The following FAM114A2 variants were observed in gnomAD, a reference collection of about 807,000 sequenced individuals.
The protein encoded by FAM114A2 is family with sequence similarity 114 member A2, also known as protein FAM114A2.
In FAM114A2, 53 loss-of-function variants were observed where a neutral mutation model predicts 58.4. The observed-to-expected ratio is 0.91, with a 90% CI of 0.73 to 1.14. The LOEUF (loss-of-function observed/expected upper bound fraction) is 1.14. FAM114A2 is among the 50% of genes most tolerant of loss of function. The probability of loss-of-function intolerance (pLI) is 0.00; values close to 1 mark genes in which losing one functional copy is unlikely to be tolerated. For synonymous variants in FAM114A2, 228 were observed against 211.4 expected (o/e 1.08, Z -0.68); for missense variants, 601 against 581.1 (o/e 1.03, Z -0.35).
At position 154,029,480 on chromosome 5, in the gene FAM114A2, T is replaced by G; in HGVS notation, c.495+9A>C. On this transcript the variant is annotated intron_variant, in intron 5 of 13. Coordinates refer to ENST00000351797, the MANE Select transcript of FAM114A2 (RefSeq NM_018691.4). Reference sequence around the variant, plus strand: ...AAAGGAACAGACCACCTTGCACTTTTTTACTTACTGTGCTCTGAACAGCAG... The same window carrying G: ...AAAGGAACAGACCACCTTGCACTTTGTTACTTACTGTGCTCTGAACAGCAG... 1 of 1,529,326 alleles carries G rather than the reference T, an allele frequency of 6.5e-7. No individual in the cohort carries two copies. Among genetic ancestry groups the G allele is most frequent in the Non-Finnish European group, 9.1e-7 (1 of 1,104,368 alleles). The allele number at this position is 1,529,326 out of a possible 1,614,324, so 94.7% of individuals were successfully genotyped here.
chr5:154,034,938 C>G lies in FAM114A2; in HGVS notation c.16G>C (p.Asp6His). Residue 6 changes from aspartate (D) to histidine (H), a missense_variant, in exon 2 of 14, where the codon GAT (aspartate) becomes CAT (histidine). Transcript: ENST00000351797. ...TCAGTTAGCAGTGGAGTCTCAATAT[C>G]ATCTTTATCTGACATGATTAGAACA... MSDKD[D>H]IETPLLTEAA... 1 of 1,613,502 alleles carries G rather than the reference C, an allele frequency of 6.2e-7. No homozygotes were observed. Among genetic ancestry groups the G allele is most frequent in the Non-Finnish European group, 8.5e-7 (1 of 1,179,544 alleles).
intron 8 of FAM114A2, among the ~76,000 whole-genome samples, chr5:154,011,523 TGA>T (rs1433947447): frequency 3.9e-5 from 6 of 152,124 alleles, no homozygotes; most frequent in Non-Finnish European, 8.8e-5. Context: ...TCAATGGGCT[TGA>T]GAGAAAAGTG....
At chr5:154,028,004 C>A in intron 6 of FAM114A2, 145 bp downstream of exon 6, 1 of 627,342 alleles carries the variant, frequency 1.6e-6, no homozygotes, top group Non-Finnish European at 2.7e-6. Context: ...AGCTCTCACC[C>A]ATCCCTGATC....
At chr5:154,000,827 A>T (rs1769921459) in intron 11 of FAM114A2, among the ~76,000 whole-genome samples, 1 of 152,226 alleles carries the variant, frequency 6.6e-6, no homozygotes. Context: ...AGACAACATC[A>T]TACTCAAAAT....
chr5:154,015,631 A>G (rs865987552), intron 8 of FAM114A2, among the ~76,000 whole-genome samples: 4 of 152,170 alleles, frequency 2.6e-5, no homozygotes, highest in Non-Finnish European at 5.9e-5. Flanking sequence ...AACACCCTTG[A>G]GCCCTAGACC....
At chr5:154,004,583 C>T (rs1397896283) in intron 9 of FAM114A2, among the ~76,000 whole-genome samples, 1 of 152,078 alleles carries the variant, frequency 6.6e-6, no homozygotes, top group Non-Finnish European at 1.5e-5. Context: ...AATTTTTCAA[C>T]CTCTTTTATT....
intron 8 of FAM114A2, among the ~76,000 whole-genome samples, chr5:154,013,882 T>C (rs536913416): frequency 6.6e-6 from 1 of 152,358 alleles, no homozygotes; most frequent in East Asian, 1.9e-4. Context: ...GCTACATTTA[T>C]TGAGTGCTTA....
rs1454048328 is a variant in FAM114A2, at chr5:154,033,654, A to G, written c.403+137T>C. ...ACATAGATGTCTAATTGGGAACTAA[A>G]GATTCTAAATACTCTTTCTCACTAC... On this transcript the variant is annotated intron_variant, in intron 4 of 13. Coordinates refer to ENST00000351797, the MANE Select transcript of FAM114A2 (RefSeq NM_018691.4). 6 of 586,392 alleles carry G rather than the reference A, an allele frequency of 1.0e-5. No individual in the cohort carries two copies. In the East Asian group the frequency reaches 1.8e-4, roughly 17 times the overall value. The allele number at this position is 586,392 out of a possible 1,614,324, so 36.3% of individuals were successfully genotyped here. A position where few individuals can be genotyped will look rare whatever the true frequency, so the allele number is the denominator to read the frequency against.
At chr5:154,033,195 A>AC (rs1367935892) in intron 4 of FAM114A2, among the ~76,000 whole-genome samples, 1 of 152,214 alleles carries the variant, frequency 6.6e-6, no homozygotes, top group African/African-American at 2.4e-5. Flanking sequence ...GCAAAAAGAA[A>AC]CAAGAGTGAG....
At chr5:154,003,983 C>G (rs895598124) in intron 9 of FAM114A2, among the ~76,000 whole-genome samples, 1 of 152,146 alleles carries the variant, frequency 6.6e-6, no homozygotes. Context: ...TGTGTTGCAA[C>G]TGCCTACAGT....
intron 12 of FAM114A2, 94 bp from the exon 13 acceptor site, chr5:153,995,066 A>G: frequency 1.3e-6 from 1 of 776,854 alleles, no homozygotes; most frequent in Non-Finnish European, 2.3e-6. Context: ...ACACACCCAT[A>G]CATAAATATT....
intron 8 of FAM114A2, among the ~76,000 whole-genome samples, chr5:154,013,281 A>G (rs1217917935): frequency 6.6e-6 from 1 of 152,198 alleles, no homozygotes; most frequent in African/African-American, 2.4e-5. Context: ...TTCTGAAAAA[A>G]GGAGTCAGGT....
In FAM114A2 at chr5:154,027,241, C is replaced by T. The variant is rs557477937; in HGVS notation, c.724G>A (p.Asp242Asn). ...AGATGTGAAAGGCCTTGAAATTCAT[C>T]AAAGAGTAGCCCATAATGAGTTTTC... ...DKKTHYGLLFDEFQGLSHLEA... is the reference protein window; with the variant it reads ...DKKTHYGLLFNEFQGLSHLEA... Residue 242 changes from aspartate (D) to asparagine (N), a missense_variant, in exon 7 of 14, where the codon GAT becomes AAT. Asp to Asn is a conservative substitution (Grantham distance 23, BLOSUM62 1). Transcript: ENST00000351797. The T allele has an allele frequency of 1.6e-5, 26 of 1,613,570 alleles. No individual in the cohort carries two copies. The highest frequency in any genetic ancestry group is 5.0e-5 in the Admixed American group (3 of 59,978).
intron 11 of FAM114A2, among the ~76,000 whole-genome samples, chr5:154,001,103 GA>G (rs996771308): frequency 7.9e-5 from 12 of 152,248 alleles, no homozygotes; most frequent in African/African-American, 2.9e-4. Context: ...CAGTGAACAA[GA>G]AAAGTCCCAG....
intron 9 of FAM114A2, among the ~76,000 whole-genome samples, chr5:154,003,808 G>A (rs1770170218): frequency 6.6e-6 from 1 of 152,178 alleles, no homozygotes; most frequent in South Asian, 2.1e-4. Flanking sequence ...ATTTATCCAT[G>A]TTGCTGCATG....
At chr5:153,996,151 T>C (rs1167183458) in intron 12 of FAM114A2, among the ~76,000 whole-genome samples, 1 of 152,062 alleles carries the variant, frequency 6.6e-6, no homozygotes, top group Non-Finnish European at 1.5e-5. Flanking sequence ...CCAAACCTAC[T>C]ACAAAACTAC....
Position 154,038,049 on chromosome 5 carries a change from A to G in FAM114A2, c.-15+808T>C, listed in dbSNP as rs2118659. On this transcript the variant is annotated intron_variant, in intron 1 of 13. Coordinates refer to ENST00000351797, the MANE Select transcript of FAM114A2 (RefSeq NM_018691.4). ...CTAGGAGAAAGGTTAAAAAAAAAAA[A>G]GGAATAAACACCAAGTACGTGGAAC... is the stretch of plus-strand genomic sequence containing the variant. Among the ~76,000 whole-genome samples, 1,546 of 151,858 alleles carry G rather than the reference A, an allele frequency of 0.01. 43 individuals are homozygous for G. In the East Asian group the frequency reaches 0.1, roughly 10 times the overall value.
chr5:154,017,379 T>C (rs1183820798), intron 8 of FAM114A2, among the ~76,000 whole-genome samples: 1 of 152,040 alleles, frequency 6.6e-6, no homozygotes, highest in Non-Finnish European at 1.5e-5. Flanking sequence ...GAGGCAGAGG[T>C]TGCGGTGAGC....
chr5:154,013,321 T>G (rs1770821662), intron 8 of FAM114A2, among the ~76,000 whole-genome samples: 1 of 152,234 alleles, frequency 6.6e-6, no homozygotes, highest in Admixed American at 6.5e-5. Flanking sequence ...GAGCCCAGGA[T>G]GCTCATGGAA....
Sources: allele counts gnomAD v4.1 joint callset (sites outside exome capture counted in the v4.1 genomes callset), GRCh38; gene constraint gnomAD v4.1.1; transcripts MANE v1.5; gene names NCBI Gene and HGNC (gene_info 2026-07-23, HGNC 2026-07-21).